The following UBR3 variants were observed in gnomAD, a reference collection of about 807,000 sequenced individuals.
UBR3 encodes E3 ubiquitin-protein ligase UBR3.
UBR3 carries 85 observed loss-of-function variants against 243.2 expected under a neutral mutation model. The ratio of observed to expected loss-of-function variants is 0.35; its 90% CI spans 0.29 to 0.42. The LOEUF (loss-of-function observed/expected upper bound fraction) is 0.42. Ranked by LOEUF, UBR3 falls within the 10% of genes least tolerant of loss-of-function variation. The pLI, the probability that UBR3 is intolerant of heterozygous loss-of-function variation, is 1.00. For missense variants in UBR3, 1,686 were observed against 2,300.8 expected, an observed-to-expected ratio of 0.73 and a Z score of 5.47; for synonymous variants, 748 against 799.8, an observed-to-expected ratio of 0.94 and a Z score of 1.09.
chr2:169,855,575 G>C (rs2082812228), intron 1 of UBR3, among the ~76,000 whole-genome samples: 1 of 151,944 alleles, frequency 6.6e-6, no homozygotes, highest in South Asian at 2.1e-4. Flanking sequence ...CTGCCTTTAA[G>C]CATCTGTTTA....
At chr2:170,041,079 A>G (rs1444465340) in intron 32 of UBR3, 94 bp downstream of exon 32, 22 of 1,238,186 alleles carry the variant, frequency 1.8e-5, no homozygotes, top group Non-Finnish European at 2.5e-5. Flanking sequence ...GTGGTGGCTC[A>G]TGCTTGTAAT....
chr2:169,925,735 T>G lies in UBR3; in HGVS notation c.2139T>G (p.Ile713Met), dbSNP rs1281577490. The G allele has an allele frequency of 2.6e-5, 41 of 1,547,524 alleles. No homozygotes were observed. Among genetic ancestry groups the G allele is most frequent in the Non-Finnish European group, 3.6e-5 (41 of 1,145,522 alleles). The stretch of plus-strand genomic sequence containing the variant: ...GTAATTCCATGATTGATCCTGACAT[T>G]TACCTGTTACAGGTAAGCCAGCTAG... The part of the protein sequence containing the change: ...HFCNSMIDPD[I>M]YLLQVCASRL... The change falls in exon 14 of 39, where the codon ATT becomes ATG. Residue 713 changes from isoleucine to methionine, a missense_variant. Ile to Met is a conservative substitution (Grantham distance 10). Transcript: ENST00000272793.
intron 24 of UBR3, among the ~76,000 whole-genome samples, chr2:169,972,136 C>T (rs938149967): frequency 2.0e-5 from 3 of 152,198 alleles, no homozygotes; most frequent in Non-Finnish European, 2.9e-5. Flanking sequence ...TACTAAACAC[C>T]TCTAAGCAAA....
At chr2:169,845,326 G>A (rs1299897485) in intron 1 of UBR3, among the ~76,000 whole-genome samples, 1 of 151,504 alleles carries the variant, frequency 6.6e-6, no homozygotes, top group Non-Finnish European at 1.5e-5. Flanking sequence ...AGAAAGCTGA[G>A]GTAGGAGGGT....
intron 29 of UBR3, 150 bp from the exon 30 acceptor site, chr2:170,015,131 A>G (rs938789996): frequency 2.0e-5 from 11 of 561,574 alleles, no homozygotes; most frequent in Admixed American, 3.5e-5. Context: ...TATCAGATAA[A>G]TATGATTATT....
chr2:169,895,854 A>T (rs1230854373), intron 7 of UBR3, among the ~76,000 whole-genome samples: 1 of 152,164 alleles, frequency 6.6e-6, no homozygotes, highest in Non-Finnish European at 1.5e-5. Context: ...AAAATGACGA[A>T]GCTCGGTGTA....
At chr2:170,045,137 A>G (rs1025041021) in intron 32 of UBR3, among the ~76,000 whole-genome samples, 13 of 152,176 alleles carry the variant, frequency 8.5e-5, no homozygotes, top group Admixed American at 5.9e-4. Context: ...GAGGTCTCAC[A>G]ATCATGGCAG....
At chr2:169,881,696 A>G (rs988596098) in intron 5 of UBR3, among the ~76,000 whole-genome samples, 1 of 136,038 alleles carries the variant, frequency 7.4e-6, no homozygotes, top group African/African-American at 2.8e-5. Context: ...ACATATATAC[A>G]TATATAATTA....
intron 26 of UBR3, 143 bp downstream of exon 26, chr2:169,994,599 A>G (rs2089414706): frequency 2.3e-6 from 2 of 874,860 alleles, no homozygotes; most frequent in Non-Finnish European, 3.4e-6. Flanking sequence ...GTGGATAGAA[A>G]GAAATGGAAA....
chr2:170,064,069 A>C (rs73019582), intron 35 of UBR3, among the ~76,000 whole-genome samples: 6,526 of 152,278 alleles, frequency 0.043, 154 homozygotes, highest in Middle Eastern at 0.061. Context: ...GCATATGCTT[A>C]TGGTTAATTT....
chr2:170,023,702 C>T (rs2090452211), intron 30 of UBR3, among the ~76,000 whole-genome samples: 1 of 152,170 alleles, frequency 6.6e-6, no homozygotes, highest in South Asian at 2.1e-4. Context: ...AAGCGATTCT[C>T]CTGCCTCAGC....
intron 19 of UBR3, among the ~76,000 whole-genome samples, chr2:169,937,894 A>G (rs574686666): frequency 3.3e-4 from 51 of 152,340 alleles, no homozygotes; most frequent in Admixed American, 6.5e-5. Flanking sequence ...GTATCCTCAG[A>G]TATTGCCCAG....
Position 169,925,735 on chromosome 2 carries a change from T to C in UBR3, c.2139T>C (p.Ile713=). The change falls in exon 14 of 39, where the codon ATT becomes ATC. Residue 713 remains isoleucine, a synonymous_variant. Transcript: ENST00000272793. ...HFCNSMIDPD[I]YLLQVCASRL... ...GTAATTCCATGATTGATCCTGACATTTACCTGTTACAGGTAAGCCAGCTAG... is the reference window on the plus strand; with the variant it reads ...GTAATTCCATGATTGATCCTGACATCTACCTGTTACAGGTAAGCCAGCTAG... 6.5e-7 allele frequency: 1 copy of C among 1,547,642 alleles called. No homozygotes were observed. Among genetic ancestry groups the C allele is most frequent in the African/African-American group, 1.4e-5 (1 of 72,978 alleles).
At position 170,081,866 on chromosome 2, in the gene UBR3, G is replaced by A. The variant is rs771321482; in HGVS notation, c.*23G>A. On this transcript the variant is annotated 3_prime_UTR_variant, in exon 39 of 39. Transcript: ENST00000272793. ...TGACTCTCCACCTCAGCATTGCATC[G>A]TATCATCATTTTCGCTACGAATTTA... is the stretch of plus-strand genomic sequence containing the variant. 1.0e-5 allele frequency: 15 copies of A among 1,429,146 alleles called. No homozygotes were observed. Among genetic ancestry groups the A allele is most frequent in the African/African-American group, 1.0e-4 (7 of 68,870 alleles). 88.5% of individuals were successfully genotyped at this position (1,429,146 alleles called of 1,614,324 possible).
chr2:169,949,863 A>G lies in UBR3; in HGVS notation c.3343A>G (p.Ile1115Val), dbSNP rs1376480687. 1.9e-6 allele frequency: 3 copies of G among 1,595,718 alleles called. No individual in the cohort carries two copies. In the Admixed American group the frequency reaches 5.3e-5, roughly 28 times the overall value. ...NSYYPPWLDD[I>V]EILIQPEIPK... ...CTACTATCCTCCTTGGCTTGATGAC[A>G]TAGAAATTTTAATCCAACCAGAAAT... Residue 1115 changes from isoleucine (I) to valine (V), a missense_variant, in exon 23 of 39, where the codon ATA becomes GTA. Ile to Val is a conservative substitution (Grantham distance 29). This residue lies in a region of UBR3 where 300 missense variants were observed against 314.4 expected (regional missense o/e 0.95). Coordinates refer to ENST00000272793, the MANE Select transcript of UBR3 (RefSeq NM_172070.4).
intron 1 of UBR3, among the ~76,000 whole-genome samples, chr2:169,847,335 C>T (rs2082517146): frequency 6.6e-6 from 1 of 151,982 alleles, no homozygotes; most frequent in South Asian, 2.1e-4. Context: ...TCCATTTACT[C>T]TTCTTTGTTG....
At chr2:169,833,787 T>A (rs1414259017) in intron 1 of UBR3, among the ~76,000 whole-genome samples, 2 of 151,514 alleles carry the variant, frequency 1.3e-5, no homozygotes, top group African/African-American at 4.8e-5. Context: ...TTTCTAGATT[T>A]TTTTTTTTTT....
chr2:169,899,118 A>G (rs922067728), intron 8 of UBR3, among the ~76,000 whole-genome samples: 15 of 152,062 alleles, frequency 9.9e-5, no homozygotes, highest in African/African-American at 3.6e-4. Flanking sequence ...AGCTGGGACT[A>G]CAGGCGCCCG....
chr2:169,890,581 G>GTATATATATATGTATATATATATATGTA (rs142551956), intron 5 of UBR3, among the ~76,000 whole-genome samples: 2 of 96,528 alleles, frequency 2.1e-5, no homozygotes, highest in African/African-American at 9.9e-5. Flanking sequence ...ATATATATAT[G>GTATATATATATGTATATATATATATGTA]TATATATATA....
Sources: gnomAD v4.1 joint callset for allele counts (sites outside exome capture counted in the v4.1 genomes callset) on GRCh38, gnomAD v4.1.1 for gene constraint, gnomAD v4.1.1 regional missense constraint, MANE v1.5 for transcripts, NCBI Gene and HGNC (gene_info 2026-07-23, HGNC 2026-07-21) for gene names.